Variants in ACADSB observed in about 807,000 individuals in gnomAD.
The protein encoded by ACADSB is short/branched chain specific acyl-CoA dehydrogenase, mitochondrial.
Under a neutral mutation model 54.1 loss-of-function variants are expected in ACADSB, and 40 were observed. That is an observed-to-expected ratio of 0.74 (90% CI 0.57 to 0.96). The LOEUF (loss-of-function observed/expected upper bound fraction) is 0.96, where lower values mean the gene tolerates loss of function less well. Ranked by LOEUF, ACADSB falls within the 40% of genes least tolerant of loss-of-function variation. The probability of loss-of-function intolerance (pLI) is 0.00; values close to 1 mark genes in which losing one functional copy is unlikely to be tolerated. For synonymous variants in ACADSB, 182 were observed against 182.8 expected, an observed-to-expected ratio of 1.00 and a Z score of 0.03; for missense variants, 530 against 510.4, an observed-to-expected ratio of 1.04 and a Z score of -0.37.
chr10:123,041,067 AC>A, intron 4 of ACADSB, 141 bp from the exon 5 acceptor site: 2 of 927,036 alleles, frequency 2.2e-6, no homozygotes, highest in Non-Finnish European at 3.3e-6. Context: ...CTTTCAGAAT[AC>A]CATTGCTATT....
At chr10:123,047,160 A>C (rs774684794) in intron 7 of ACADSB, 49 bp from the exon 8 acceptor site, 2 of 1,438,206 alleles carry the variant, frequency 1.4e-6, no homozygotes, top group Non-Finnish European at 1.9e-6. Context: ...TGGATAATTA[A>C]ACTTATAACA....
chr10:123,024,048 G>C (rs900376685), intron 1 of ACADSB, among the ~76,000 whole-genome samples: 14 of 152,208 alleles, frequency 9.2e-5, no homozygotes, highest in African/African-American at 3.4e-4. Flanking sequence ...CCCTCCAGAG[G>C]CAATGGCCTA....
At position 123,052,654 on chromosome 10, in the gene ACADSB, A is replaced by G; in HGVS notation, c.1129-407A>G. The G allele has an allele frequency of 3.6e-6, 1 of 277,954 alleles. No individual in the cohort carries two copies. The allele number at this position is 277,954 out of a possible 1,614,324, so 17.2% of individuals were successfully genotyped here. A position where few individuals can be genotyped will look rare whatever the true frequency, so the allele number is the denominator to read the frequency against. The stretch of plus-strand genomic sequence containing the variant: ...TCTCGCTCCTCCATTCTCTTTTCAC[A>G]TTTCACCCCGATCCCAGCCCACTGG... On this transcript the variant is annotated intron_variant, in intron 9 of 10. Coordinates refer to ENST00000358776, the MANE Select transcript of ACADSB (RefSeq NM_001609.4). The surrounding 1 kb of genome is among the most constrained non-coding windows in gnomAD (Gnocchi z 4.2).
intron 3 of ACADSB, 137 bp from the exon 4 acceptor site, chr10:123,040,329 A>C (rs1168692007): frequency 3.9e-6 from 3 of 771,478 alleles, no homozygotes; most frequent in Non-Finnish European, 6.1e-6. Context: ...CCAGCCTGGG[A>C]GACGGAGCAA....
At position 123,051,091 on chromosome 10, in the gene ACADSB, G is replaced by C. The variant is rs2133493250; in HGVS notation, c.1033G>C (p.Ala345Pro). The C allele has an allele frequency of 6.2e-7, 1 of 1,608,688 alleles. No homozygotes were observed. Among genetic ancestry groups the C allele is most frequent in the Non-Finnish European group, 8.5e-7 (1 of 1,178,944 alleles). ...QVAHVATQLEAARLLTYNAAR... is the reference protein window; with the variant it reads ...QVAHVATQLEPARLLTYNAAR... Reference sequence around the variant, plus strand: ...GGCTCACGTGGCCACCCAGCTGGAAGCTGCAAGATTACTAACATACAATGC... The same window carrying C: ...GGCTCACGTGGCCACCCAGCTGGAACCTGCAAGATTACTAACATACAATGC... The change falls in exon 9 of 11, where the codon GCT becomes CCT. Residue 345 changes from alanine to proline, a missense_variant. Transcript: ENST00000358776.
At chr10:123,018,505 A>G (rs1033360405) in intron 1 of ACADSB, among the ~76,000 whole-genome samples, 7 of 152,188 alleles carry the variant, frequency 4.6e-5, no homozygotes, top group Non-Finnish European at 8.8e-5. Flanking sequence ...GAGAATACCT[A>G]GAACAGAAGC....
chr10:123,042,565 A>G (rs1030373659), intron 5 of ACADSB, among the ~76,000 whole-genome samples: 4 of 150,934 alleles, frequency 2.7e-5, no homozygotes, highest in East Asian at 3.9e-4. Context: ...GGTTCAAGCA[A>G]TTCTCCTGCT....
At chr10:123,009,490 G>A (rs1192014500) in intron 1 of ACADSB, among the ~76,000 whole-genome samples, 1 of 152,124 alleles carries the variant, frequency 6.6e-6, no homozygotes, top group Non-Finnish European at 1.5e-5. Context: ...CCCCAAAAAA[G>A]ATAGTTAAAA....
Position 123,009,007 on chromosome 10 carries a change from G to C in ACADSB, c.-23G>C, listed in dbSNP as rs1849949780. On this transcript the variant is annotated 5_prime_UTR_variant, in exon 1 of 11. Transcript: ENST00000358776. ...GGCTGGCTAGAGACCCAGAGGCGCA[G>C]AGCGGAGAGGCCTGCGGCGAGGATG... The C allele has an allele frequency of 6.5e-7, 1 of 1,547,502 alleles. No individual in the cohort carries two copies. Among genetic ancestry groups the C allele is most frequent in the Non-Finnish European group, 8.7e-7 (1 of 1,146,832 alleles).
intron 3 of ACADSB, 23 bp from the exon 4 acceptor site, chr10:123,040,443 A>G (rs1269066239): frequency 5.0e-6 from 8 of 1,593,124 alleles, no homozygotes; most frequent in Non-Finnish European, 6.9e-6. Context: ...TTCTTAATCT[A>G]TGTTGCCTTG....
chr10:123,035,574 C>T lies in ACADSB; in HGVS notation c.202+1059C>T, dbSNP rs183179762. Among the ~76,000 whole-genome samples, 750 of 152,266 alleles carry T rather than the reference C, an allele frequency of 4.9e-3. 3 individuals carry two copies. The highest frequency in any genetic ancestry group is 0.017 in the African/African-American group (714 of 41,544). ...GTGTAGTGGCTCACAGTTCTGTAGG[C>T]CAGAAGTCCAGCTGGAGCAAGTCCA... On this transcript the variant is annotated intron_variant, in intron 2 of 10. Coordinates refer to ENST00000358776, the MANE Select transcript of ACADSB (RefSeq NM_001609.4).
chr10:123,017,583 G>T (rs1564746237), intron 1 of ACADSB, among the ~76,000 whole-genome samples: 2 of 152,224 alleles, frequency 1.3e-5, no homozygotes, highest in Non-Finnish European at 2.9e-5. Flanking sequence ...CTCCCTAAGT[G>T]CTGGGATTAC....
intron 1 of ACADSB, among the ~76,000 whole-genome samples, chr10:123,011,130 A>C (rs983803757): frequency 6.6e-6 from 1 of 152,166 alleles, no homozygotes; most frequent in African/African-American, 2.4e-5. Context: ...TGTGGACACA[A>C]GTGGCATGGA....
chr10:123,037,952 C>A (rs1436595281), intron 3 of ACADSB, 105 bp downstream of exon 3: 10 of 887,184 alleles, frequency 1.1e-5, no homozygotes, highest in Non-Finnish European at 1.8e-5. Context: ...TATCTGTTTT[C>A]TTTTTTTGGT....
At chr10:123,040,222 G>A (rs1850452099) in intron 3 of ACADSB, among the ~76,000 whole-genome samples, 2 of 151,452 alleles carry the variant, frequency 1.3e-5, no homozygotes, top group Non-Finnish European at 2.9e-5. Context: ...GTGATGGTGG[G>A]CACCTGTAAT....
At chr10:123,035,932 A>G (rs1039404915) in intron 2 of ACADSB, among the ~76,000 whole-genome samples, 11 of 152,082 alleles carry the variant, frequency 7.2e-5, no homozygotes, top group South Asian at 2.1e-4. Context: ...ACCAATCTCC[A>G]TGTTTTAAGT....
In ACADSB at chr10:123,037,742, TAC is replaced by T; in HGVS notation, c.203-3_203-2del. On this transcript the variant is annotated splice_region_variant and splice_polypyrimidine_tract_variant and intron_variant, in intron 2 of 10. Transcript: ENST00000358776. Reference sequence around the variant, plus strand: ...TAGACTTATCAGTAATTCTTTTTCCTACAGTTAAAAAATTTGCTCAGGAACAA... The same window carrying T: ...TAGACTTATCAGTAATTCTTTTTCCTAGTTAAAAAATTTGCTCAGGAACAA... 1 of 1,590,560 alleles carries T rather than the reference TAC, an allele frequency of 6.3e-7. No homozygotes were observed. Among genetic ancestry groups the T allele is most frequent in the South Asian group, 1.1e-5 (1 of 90,542 alleles).
chr10:123,039,075 C>T (rs1850438076), intron 3 of ACADSB, among the ~76,000 whole-genome samples: 2 of 152,206 alleles, frequency 1.3e-5, no homozygotes, highest in Non-Finnish European at 2.9e-5. Flanking sequence ...TCCTCACTCC[C>T]ATTGTCCTGG....
At chr10:123,047,130 T>C in intron 7 of ACADSB, 79 bp from the exon 8 acceptor site, 1 of 1,171,754 alleles carries the variant, frequency 8.5e-7, no homozygotes, top group Non-Finnish European at 1.2e-6. Flanking sequence ...TCAATTTATG[T>C]TTAGAGGGAA....
Sources: gnomAD v4.1 joint callset for allele counts (sites outside exome capture counted in the v4.1 genomes callset) on GRCh38, gnomAD v4.1.1 for gene constraint, Gnocchi (gnomAD v3.1) non-coding constraint, MANE v1.5 for transcripts, NCBI Gene and HGNC (gene_info 2026-07-23, HGNC 2026-07-21) for gene names.